Variants in ORM1 observed in about 807,000 individuals in gnomAD.
ORM1 encodes the protein orosomucoid 1.
Under a neutral mutation model 26.9 loss-of-function variants are expected in ORM1, and 13 were observed. The ratio of observed to expected loss-of-function variants is 0.48; its 90% CI spans 0.31 to 0.77. The LOEUF (loss-of-function observed/expected upper bound fraction) is 0.77. ORM1 is among the 30% of genes least tolerant of loss of function. The probability of loss-of-function intolerance (pLI) is 0.04; values close to 1 mark genes in which losing one functional copy is unlikely to be tolerated. For synonymous variants in ORM1, 76 were observed against 102.2 expected (o/e 0.74, Z 1.55); for missense variants, 189 against 246.8 (o/e 0.77, Z 1.57).
At chr9:114,325,689 C>CA (rs1554831473) in intron 5 of ORM1, among the ~76,000 whole-genome samples, 17 of 152,252 alleles carry the variant, frequency 1.1e-4, no homozygotes, top group Non-Finnish European at 4.4e-5. Flanking sequence ...GCCCTGTGCC[C>CA]AATACCTGTG....
intron 5 of ORM1, among the ~76,000 whole-genome samples, chr9:114,326,014 A>G (rs1829763391): frequency 6.6e-6 from 1 of 150,778 alleles, no homozygotes; most frequent in Admixed American, 6.6e-5. Context: ...GGAATTCAGG[A>G]GCTGCAGCAT....
chr9:114,324,783 C>G lies in ORM1; in HGVS notation c.329-7C>G, dbSNP rs1171723137. 1 of 1,610,480 alleles carries G rather than the reference C, an allele frequency of 6.2e-7. No individual in the cohort carries two copies. The highest frequency in any genetic ancestry group is 8.5e-7 in the Non-Finnish European group (1 of 1,176,886). The stretch of plus-strand genomic sequence containing the variant: ...GTTCTCACCCAGAGGCTCCTTTTCT[C>G]TTCCAGTGGGAGGCCAAGAGCATTT... On this transcript the variant is annotated splice_region_variant and splice_polypyrimidine_tract_variant and intron_variant, in intron 3 of 5. Coordinates refer to ENST00000259396, the MANE Select transcript of ORM1 (RefSeq NM_000607.4).
rs368706824 is a variant in ORM1 at position 114,325,005 on chromosome 9, G to A, written c.437-44G>A. The A allele has an allele frequency of 3.3e-4, 528 of 1,603,342 alleles. 3 individuals are homozygous for A. The highest frequency in any genetic ancestry group is 3.1e-3 in the African/African-American group (230 of 74,712). On this transcript the variant is annotated intron_variant, in intron 4 of 5. Transcript: ENST00000259396. ...CCCCAGCCCTCCCTGGCCTCCCGCC[G>A]GGCCCCACCATGTCCCCAGTCAGTC...
chr9:114,324,756 A>G (rs201664605), intron 3 of ORM1, 34 bp from the exon 4 acceptor site: 5 of 1,541,332 alleles, frequency 3.2e-6, no homozygotes, highest in African/African-American at 2.7e-5. Context: ...GTGCCATCCC[A>G]TGTTCTCACC....
Position 114,324,018 on chromosome 9 carries a change from A to C in ORM1, c.258A>C (p.Arg86=), listed in dbSNP as rs769801602. ...CCTTCCGCCTTCTGTTTGGCTTTAG[A>C]CAGGACCAGTGCATCTATAACACCA... is the stretch of plus-strand genomic sequence containing the variant. ...DTIFLREYQT[R]QDQCIYNTTY... The change falls in exon 3 of 6, where the codon CGA becomes CGC. Residue 86 remains arginine (R), a splice_region_variant and synonymous_variant. Coordinates refer to ENST00000259396, the MANE Select transcript of ORM1 (RefSeq NM_000607.4). 4.3e-6 allele frequency: 7 copies of C among 1,614,000 alleles called. No homozygotes were observed. Among genetic ancestry groups the C allele is most frequent in the Admixed American group, 1.7e-5 (1 of 60,012 alleles).
chr9:114,324,900 A>G lies in ORM1; in HGVS notation c.436+3A>G, dbSNP rs79375466. 2 of 1,612,804 alleles carry G rather than the reference A, an allele frequency of 1.2e-6. No individual in the cohort carries two copies. The highest frequency in any genetic ancestry group is 8.5e-7 in the Non-Finnish European group (1 of 1,178,936). ...GAACTGGGGGCTGTCTGTCTATGGT[A>G]GGCATGCTTAGCAGCCCCAAACTCA... On this transcript the variant is annotated splice_donor_region_variant and intron_variant, in intron 4 of 5. Coordinates refer to ENST00000259396, the MANE Select transcript of ORM1 (RefSeq NM_000607.4).
In ORM1 at chr9:114,323,269, G is replaced by A. The variant is rs374569633; in HGVS notation, c.114+22G>A. 3.1e-3 allele frequency: 5,063 copies of A among 1,609,880 alleles called. 22 individuals carry two copies. The highest frequency in any genetic ancestry group is 3.9e-3 in the Non-Finnish European group (4,551 of 1,177,774). Reference sequence around the variant, plus strand: ...CCGGGTGAGTGCCTGGGCTAGCCCTGTCCTGAGCACATGGGCAGCTGCCTC... The same window carrying A: ...CCGGGTGAGTGCCTGGGCTAGCCCTATCCTGAGCACATGGGCAGCTGCCTC... On this transcript the variant is annotated intron_variant, in intron 1 of 5. Transcript: ENST00000259396.
intron 3 of ORM1, 26 bp downstream of exon 3, chr9:114,324,114 G>T: frequency 6.2e-7 from 1 of 1,606,444 alleles, no homozygotes; most frequent in Non-Finnish European, 8.5e-7. Flanking sequence ...CAGGCAGGAG[G>T]GTTCACTGTG....
intron 3 of ORM1, 65 bp from the exon 4 acceptor site, chr9:114,324,725 A>C (rs1829740715): frequency 7.5e-7 from 1 of 1,340,684 alleles, no homozygotes; most frequent in South Asian, 1.2e-5. Flanking sequence ...AGGCCTCCTC[A>C]CCTGTAAGAC....
chr9:114,323,847 G>C lies in ORM1; in HGVS notation c.257+42G>C, dbSNP rs1192286613. 9.3e-6 allele frequency: 15 copies of C among 1,612,780 alleles called. No individual in the cohort carries two copies. The Admixed American group carries it at 2.3e-4, about 25-fold the overall frequency. ...CAATGCACCCCCATCTCAGCTTCTG[G>C]CCAGAAGACCTGAGCAAGTCCCTCC... On this transcript the variant is annotated intron_variant, in intron 2 of 5. Transcript: ENST00000259396.
At chr9:114,325,918 C>T (rs1233313361) in intron 5 of ORM1, among the ~76,000 whole-genome samples, 1 of 152,144 alleles carries the variant, frequency 6.6e-6, no homozygotes, top group Non-Finnish European at 1.5e-5. Flanking sequence ...CCTGGCACCC[C>T]CACTGTCTGG....
chr9:114,323,453 T>C (rs906412114), intron 1 of ORM1: 1 of 852,376 alleles, frequency 1.2e-6, no homozygotes, highest in Non-Finnish European at 2.0e-6. Context: ...TGCAGAGTCC[T>C]TCACGGAGGA....
In ORM1 at chr9:114,324,080, C is replaced by G; in HGVS notation, c.320C>G (p.Ser107Cys). 1 of 1,614,020 alleles carries G rather than the reference C, an allele frequency of 6.2e-7. No individual in the cohort carries two copies. The highest frequency in any genetic ancestry group is 1.1e-5 in the South Asian group (1 of 91,078). Reference sequence around the variant, plus strand: ...GTCCAGCGGGAAAATGGGACCATCTCCAGATACGGTGAGGGCCAGCCCTCA... The same window carrying G: ...GTCCAGCGGGAAAATGGGACCATCTGCAGATACGGTGAGGGCCAGCCCTCA... ...LNVQRENGTI[S>C]RYVGGQEHFA... is the part of the protein sequence containing the mutation. Residue 107 changes from serine to cysteine, a missense_variant, in exon 3 of 6, where the codon TCC becomes TGC. Ser to Cys is a moderately radical substitution (Grantham distance 112). Around this residue, in one of 3 missense-constraint regions of ORM1, gnomAD observed 163 missense variants for 157.7 expected, o/e 1.03. Transcript: ENST00000259396.
chr9:114,325,162 A>G lies in ORM1; in HGVS notation c.540+10A>G. On this transcript the variant is annotated intron_variant, in intron 5 of 5. Coordinates refer to ENST00000259396, the MANE Select transcript of ORM1 (RefSeq NM_000607.4). ...CACCGATTGGAAAAAGGTAAACGCA[A>G]GGGATTGGACAGTGCCCACCTTGTC... 6.2e-7 allele frequency: 1 copy of G among 1,613,364 alleles called. No homozygotes were observed. Among genetic ancestry groups the G allele is most frequent in the Admixed American group, 1.7e-5 (1 of 60,026 alleles).
chr9:114,325,941 G>A (rs868236247), intron 5 of ORM1, among the ~76,000 whole-genome samples: 2 of 151,982 alleles, frequency 1.3e-5, no homozygotes, highest in African/African-American at 4.8e-5. Flanking sequence ...AGGGAGCCTC[G>A]AATGGGTCCC....
chr9:114,323,634 C>T (rs1829719546), intron 1 of ORM1, 29 bp from the exon 2 acceptor site: 6 of 1,613,996 alleles, frequency 3.7e-6, no homozygotes, highest in Non-Finnish European at 5.1e-6. Flanking sequence ...GCATCAAGCC[C>T]CCATCACCAG....
intron 5 of ORM1, among the ~76,000 whole-genome samples, chr9:114,325,694 C>T (rs1431493046): frequency 6.6e-6 from 1 of 152,210 alleles, no homozygotes; most frequent in Non-Finnish European, 1.5e-5. Flanking sequence ...GTGCCCAATA[C>T]CTGTGAAATC....
chr9:114,323,686 C>T lies in ORM1; in HGVS notation c.138C>T (p.Ile46=), dbSNP rs370324189. The T allele has an allele frequency of 3.8e-5, 62 of 1,613,842 alleles. No individual in the cohort carries two copies. The highest frequency in any genetic ancestry group is 3.2e-4 in the South Asian group (29 of 91,078). The change falls in exon 2 of 6, where the codon ATC becomes ATT. Residue 46 remains isoleucine (I), a synonymous_variant. Coordinates refer to ENST00000259396, the MANE Select transcript of ORM1 (RefSeq NM_000607.4). ...AGATCACTGGCAAGTGGTTTTATAT[C>T]GCATCGGCCTTTCGAAACGAGGAGT... The part of the protein sequence containing the change: ...LDRITGKWFY[I]ASAFRNEEYN...
Position 114,325,109 on chromosome 9 carries a change from T to G in ORM1, c.497T>G (p.Leu166Trp), listed in dbSNP as rs746697051. The change falls in exon 5 of 6, where the codon TTG becomes TGG. Residue 166 changes from leucine (L) to tryptophan (W), a missense_variant. Leu to Trp is a moderately conservative substitution (Grantham distance 61). Around this residue, in one of 3 missense-constraint regions of ORM1, gnomAD observed 163 missense variants for 157.7 expected, o/e 1.03. Coordinates refer to ENST00000259396, the MANE Select transcript of ORM1 (RefSeq NM_000607.4). ...GAGTTCTACGAAGCTCTCGACTGCT[T>G]GCGCATTCCCAAGTCAGATGTCGTG... is the stretch of plus-strand genomic sequence containing the variant. ...LGEFYEALDC[L>W]RIPKSDVVYT... is the part of the protein sequence containing the mutation. 6.2e-7 allele frequency: 1 copy of G among 1,614,020 alleles called. No individual in the cohort carries two copies. The highest frequency in any genetic ancestry group is 1.1e-5 in the South Asian group (1 of 91,074).
Sources: gnomAD v4.1 joint callset for allele counts (sites outside exome capture counted in the v4.1 genomes callset) on GRCh38, gnomAD v4.1.1 for gene constraint, gnomAD v4.1.1 regional missense constraint, MANE v1.5 for transcripts, NCBI Gene and HGNC (gene_info 2026-07-23, HGNC 2026-07-21) for gene names.